The following PAPPA2 variants were observed in gnomAD, a reference collection of about 807,000 sequenced individuals.
PAPPA2 encodes pappalysin 2.
PAPPA2 carries 86 observed loss-of-function variants against 176.4 expected under a neutral mutation model. That is an observed-to-expected ratio of 0.49 (90% CI 0.41 to 0.58). PAPPA2 has a LOEUF of 0.58. Ranked by LOEUF, PAPPA2 falls within the 20% of genes least tolerant of loss-of-function variation. The pLI is 0.00. For missense variants in PAPPA2, 2,073 were observed against 2,256.9 expected (o/e 0.92, Z 1.65); for synonymous variants, 809 against 852.2 (o/e 0.95, Z 0.88).
intron 3 of PAPPA2, among the ~76,000 whole-genome samples, chr1:176,604,412 C>G (rs1654501369): frequency 6.6e-6 from 1 of 152,154 alleles, no homozygotes; most frequent in African/African-American, 2.4e-5. Flanking sequence ...ACTAAGTATT[C>G]AATAAATAAT....
Position 176,842,669 on chromosome 1 carries a change from C to A in PAPPA2, c.*215C>A. 1.8e-6 allele frequency: 1 copy of A among 545,584 alleles called. No homozygotes were observed. Among genetic ancestry groups the A allele is most frequent in the South Asian group, 2.3e-5 (1 of 43,868 alleles). The allele number at this position is 545,584 out of a possible 1,614,324, so 33.8% of individuals were successfully genotyped here. On this transcript the variant is annotated 3_prime_UTR_variant, in exon 23 of 23. Transcript: ENST00000367662. ...AGGAGAGAATCATAGGCAAAAGTTT[C>A]TTTAAAGTGGCAGTTGATTAACATG...
chr1:176,667,138 A>G (rs1318694491), intron 3 of PAPPA2, among the ~76,000 whole-genome samples: 2 of 151,946 alleles, frequency 1.3e-5, no homozygotes, highest in African/African-American at 2.4e-5. Context: ...CCAGCTACTC[A>G]GGAAGGCTGA....
At chr1:176,550,769 GC>G (rs1238406775) in intron 1 of PAPPA2, among the ~76,000 whole-genome samples, 4 of 152,160 alleles carry the variant, frequency 2.6e-5, no homozygotes, top group Admixed American at 2.0e-4. Context: ...AGAAGATAGG[GC>G]TTGTCTTGGC....
intron 1 of PAPPA2, among the ~76,000 whole-genome samples, chr1:176,522,462 C>T (rs939024129): frequency 6.6e-6 from 1 of 152,186 alleles, no homozygotes; most frequent in African/African-American, 2.4e-5. Context: ...TTATTATGCT[C>T]AACGCTTTAC....
intron 1 of PAPPA2, among the ~76,000 whole-genome samples, chr1:176,510,711 G>A (rs1028772266): frequency 1.3e-5 from 2 of 151,616 alleles, no homozygotes; most frequent in Non-Finnish European, 2.9e-5. Context: ...CAAAGAATGG[G>A]AAGGAGAAAA....
At chr1:176,803,371 T>TA (rs1447447298) in intron 21 of PAPPA2, among the ~76,000 whole-genome samples, 3 of 152,106 alleles carry the variant, frequency 2.0e-5, no homozygotes, top group African/African-American at 7.2e-5. Context: ...ACTGAATGAG[T>TA]AAAGCAGAAT....
intron 3 of PAPPA2, among the ~76,000 whole-genome samples, chr1:176,637,632 C>G: frequency 6.6e-6 from 1 of 152,234 alleles, no homozygotes; most frequent in Admixed American, 6.5e-5. Context: ...AAGACTTTGA[C>G]AGCTTTTTCA....
At chr1:176,695,268 T>A (rs1483130934) in intron 6 of PAPPA2, among the ~76,000 whole-genome samples, 1 of 152,192 alleles carries the variant, frequency 6.6e-6, no homozygotes, top group Non-Finnish European at 1.5e-5. Flanking sequence ...ACCTGACTTT[T>A]ATTTTATGTA....
intron 21 of PAPPA2, among the ~76,000 whole-genome samples, chr1:176,837,883 G>A (rs1362476850): frequency 3.3e-5 from 5 of 152,092 alleles, no homozygotes; most frequent in East Asian, 1.9e-4. Context: ...TCAAACTGTC[G>A]AGCTTCCCAG....
At chr1:176,706,748 AT>A (rs1660900911) in intron 10 of PAPPA2, among the ~76,000 whole-genome samples, 1 of 152,198 alleles carries the variant, frequency 6.6e-6, no homozygotes, top group Non-Finnish European at 1.5e-5. Flanking sequence ...GTGGTAAACC[AT>A]TAGGTTATAC....
intron 3 of PAPPA2, among the ~76,000 whole-genome samples, chr1:176,641,663 G>A (rs1297922966): frequency 6.6e-6 from 1 of 151,914 alleles, no homozygotes; most frequent in Non-Finnish European, 1.5e-5. Context: ...CTTAGTATAG[G>A]AGGTCTCAGG....
At chr1:176,483,401 C>T (rs997510111) in intron 1 of PAPPA2, among the ~76,000 whole-genome samples, 1 of 146,724 alleles carries the variant, frequency 6.8e-6, no homozygotes, top group Non-Finnish European at 1.5e-5. Context: ...ACTACTAGGG[C>T]CTAGGGAAAC....
chr1:176,731,816 C>T (rs145799782), intron 12 of PAPPA2, among the ~76,000 whole-genome samples: 333 of 151,848 alleles, frequency 2.2e-3, no homozygotes, highest in African/African-American at 7.8e-3. Flanking sequence ...TACATCTTTT[C>T]AACTTTGGGT....
chr1:176,702,810 A>T lies in PAPPA2; in HGVS notation c.3365+75A>T, dbSNP rs60571846. The T allele has an allele frequency of 0.067, 102,431 of 1,521,612 alleles. 4,134 individuals carry two copies. The highest frequency in any genetic ancestry group is 0.12 in the South Asian group (9,868 of 83,800). The allele number at this position is 1,521,612 out of a possible 1,614,324, so 94.3% of individuals were successfully genotyped here. A position where few individuals can be genotyped will look rare whatever the true frequency, so the allele number is the denominator to read the frequency against. On this transcript the variant is annotated intron_variant, in intron 9 of 22. Transcript: ENST00000367662. ...GAGAGAGAGAGAGAGAGAGGGAGGG[A>T]GAGAGAGCAGGGACACTGTTCTCTA...
chr1:176,819,216 A>G (rs935849619), intron 21 of PAPPA2, among the ~76,000 whole-genome samples: 8 of 152,176 alleles, frequency 5.3e-5, no homozygotes, highest in African/African-American at 1.9e-4. Context: ...CCACTTGACC[A>G]TGATAGAGAA....
In PAPPA2 at chr1:176,621,032, A is replaced by G. The variant is rs74385903; in HGVS notation, c.1991+25437A>G. Among the ~76,000 whole-genome samples the G allele has an allele frequency of 1.9e-3, 292 of 152,312 alleles. 7 individuals are homozygous for G. In the East Asian group the frequency reaches 0.051, roughly 27 times the overall value. ...TCAAGAGAGAGGAAGGTAGGTGGGC[A>G]AAAGAATGGCTCCTAAGTGAGAGAA... On this transcript the variant is annotated intron_variant, in intron 3 of 22. Transcript: ENST00000367662.
intron 12 of PAPPA2, among the ~76,000 whole-genome samples, chr1:176,722,895 A>G (rs1475592735): frequency 6.6e-6 from 1 of 152,206 alleles, no homozygotes; most frequent in Non-Finnish European, 1.5e-5. Context: ...AGTTAGCTAC[A>G]TCTTACATTT....
At chr1:176,483,451 C>T (rs975121386) in intron 1 of PAPPA2, among the ~76,000 whole-genome samples, 5 of 133,418 alleles carry the variant, frequency 3.7e-5, no homozygotes, top group African/African-American at 1.3e-4. Context: ...TTAGGTGAAA[C>T]TCAGACATCT....
At chr1:176,746,858 C>T (rs749984286) in intron 14 of PAPPA2, among the ~76,000 whole-genome samples, 20 of 152,212 alleles carry the variant, frequency 1.3e-4, no homozygotes, top group East Asian at 1.9e-4. Context: ...GTTCTTCTCT[C>T]GCTTGTTCTC....
Sources: allele counts gnomAD v4.1 joint callset (sites outside exome capture counted in the v4.1 genomes callset), GRCh38; gene constraint gnomAD v4.1.1; transcripts MANE v1.5; gene names NCBI Gene and HGNC (gene_info 2026-07-23, HGNC 2026-07-21).